PARD3B: variants seen among roughly 807,000 people sequenced by gnomAD.
The protein encoded by PARD3B is par-3 family cell polarity regulator beta.
A neutral mutation model predicts 130.2 loss-of-function variants in PARD3B; 103 were observed. That is an observed-to-expected ratio of 0.79 (90% CI 0.67 to 0.93). The LOEUF (loss-of-function observed/expected upper bound fraction) is 0.93. Ranked by LOEUF, PARD3B falls within the 40% of genes least tolerant of loss-of-function variation. The pLI is 0.00. For synonymous variants in PARD3B, 583 were observed against 553.2 expected (o/e 1.05, Z -0.76); for missense variants, 1,609 against 1,499.2 (o/e 1.07, Z -1.21).
chr2:205,086,479 C>T (rs1014039953), intron 4 of PARD3B, among the ~76,000 whole-genome samples: 1 of 152,176 alleles, frequency 6.6e-6, no homozygotes, highest in Admixed American at 6.5e-5. Flanking sequence ...TCCATTCACA[C>T]CTAGTTCTGC....
At chr2:204,910,240 G>C (rs2047183850) in intron 2 of PARD3B, among the ~76,000 whole-genome samples, 1 of 151,856 alleles carries the variant, frequency 6.6e-6, no homozygotes, top group Admixed American at 6.5e-5. Flanking sequence ...TTTCATAAAA[G>C]AGGTTTAGAA....
At chr2:205,097,918 G>A (rs192903525) in intron 4 of PARD3B, among the ~76,000 whole-genome samples, 1 of 151,982 alleles carries the variant, frequency 6.6e-6, no homozygotes, top group African/African-American at 2.4e-5. Flanking sequence ...TATCTTTGAA[G>A]TCAACTGAGA....
chr2:205,045,575 C>A (rs1236430105), intron 3 of PARD3B, among the ~76,000 whole-genome samples: 3 of 151,924 alleles, frequency 2.0e-5, no homozygotes, highest in Non-Finnish European at 4.4e-5. Flanking sequence ...AAAATTATAT[C>A]TTAAATATTT....
chr2:205,124,456 GA>G lies in PARD3B; in HGVS notation c.1297del (p.Ile433PhefsTer4), dbSNP rs761338130. The G allele has an allele frequency of 6.3e-7, 1 of 1,588,934 alleles. No individual in the cohort carries two copies. Among genetic ancestry groups the G allele is most frequent in the Non-Finnish European group, 8.6e-7 (1 of 1,167,902 alleles). Reference sequence around the variant, plus strand: ...GATGGCCGCCTACAATCAGGGGACAGAATTTTGGAGGTAAGAATTGGAATTA... The same window carrying G: ...GATGGCCGCCTACAATCAGGGGACAGATTTTGGAGGTAAGAATTGGAATTA... ...IKDGRLQSGD[R>X]ILEVNGRDVT... On this transcript the variant is annotated frameshift_variant, in exon 9 of 23. Transcript: ENST00000406610. LOFTEE classifies it high-confidence loss of function.
intron 1 of PARD3B, among the ~76,000 whole-genome samples, chr2:204,660,177 G>A (rs1329554736): frequency 1.3e-5 from 2 of 152,124 alleles, no homozygotes; most frequent in East Asian, 3.9e-4. Context: ...ATTGAGTATA[G>A]AACCTTCTGA....
chr2:204,764,947 G>T (rs868053347), intron 2 of PARD3B, among the ~76,000 whole-genome samples: 4 of 150,840 alleles, frequency 2.7e-5, no homozygotes, highest in African/African-American at 9.7e-5. Context: ...ATTTTTTTTT[G>T]TAATTCTGAT....
At chr2:204,762,349 T>G (rs1438499253) in intron 2 of PARD3B, among the ~76,000 whole-genome samples, 1 of 152,012 alleles carries the variant, frequency 6.6e-6, no homozygotes, top group African/African-American at 2.4e-5. Flanking sequence ...CCTGTCCTTG[T>G]GATCTGTCCA....
intron 3 of PARD3B, among the ~76,000 whole-genome samples, chr2:205,008,725 A>G (rs950439184): frequency 5.9e-5 from 9 of 152,328 alleles, no homozygotes; most frequent in Non-Finnish European, 1.2e-4. Flanking sequence ...ACTTGACAGG[A>G]TAGATGTTAG....
intron 2 of PARD3B, among the ~76,000 whole-genome samples, chr2:204,695,115 A>G (rs1423271016): frequency 2.6e-5 from 4 of 152,064 alleles, no homozygotes; most frequent in South Asian, 2.1e-4. Context: ...ATAAGAGTCA[A>G]TGAACACTTT....
At chr2:205,533,131 A>G (rs2051678310) in intron 21 of PARD3B, among the ~76,000 whole-genome samples, 1 of 152,156 alleles carries the variant, frequency 6.6e-6, no homozygotes, top group East Asian at 1.9e-4. Flanking sequence ...AAATATGGCC[A>G]TCCCTCTTTT....
chr2:204,804,771 T>TA (rs2042704522), intron 2 of PARD3B, among the ~76,000 whole-genome samples: 1 of 152,060 alleles, frequency 6.6e-6, no homozygotes, highest in Non-Finnish European at 1.5e-5. Context: ...AACAATGAAA[T>TA]AATATCAAGC....
At chr2:204,650,212 A>T (rs1268040535) in intron 1 of PARD3B, among the ~76,000 whole-genome samples, 1 of 152,192 alleles carries the variant, frequency 6.6e-6, no homozygotes, top group Non-Finnish European at 1.5e-5. Context: ...ACCACCTCAA[A>T]CCCATCCAAA....
chr2:204,964,100 T>G (rs946446746), intron 2 of PARD3B, among the ~76,000 whole-genome samples: 3 of 152,260 alleles, frequency 2.0e-5, no homozygotes, highest in Admixed American at 6.5e-5. Context: ...GCTTGAATCA[T>G]AAGTAGGTTT....
At chr2:205,510,577 A>T (rs2050552170) in intron 21 of PARD3B, among the ~76,000 whole-genome samples, 3 of 152,150 alleles carry the variant, frequency 2.0e-5, no homozygotes, top group South Asian at 2.1e-4. Context: ...TTCCTTCAAA[A>T]GTACATTCCT....
intron 15 of PARD3B, among the ~76,000 whole-genome samples, chr2:205,234,228 G>A (rs114767940): frequency 0.014 from 2,108 of 152,292 alleles, 49 homozygotes; most frequent in African/African-American, 0.048. Context: ...GCTGAGGCAG[G>A]AGGATCACTT....
intron 2 of PARD3B, among the ~76,000 whole-genome samples, chr2:204,739,237 GA>G (rs2039891487): frequency 6.6e-6 from 1 of 152,072 alleles, no homozygotes; most frequent in Non-Finnish European, 1.5e-5. Context: ...TCATTCATTG[GA>G]ATGTGTGTTT....
chr2:205,316,734 G>A (rs1425775744), intron 18 of PARD3B, among the ~76,000 whole-genome samples: 1 of 152,000 alleles, frequency 6.6e-6, no homozygotes, highest in Non-Finnish European at 1.5e-5. Flanking sequence ...CCTACTCCAG[G>A]CCTTTTTTTC....
intron 2 of PARD3B, among the ~76,000 whole-genome samples, chr2:204,873,143 G>A (rs1184347699): frequency 6.6e-6 from 1 of 152,182 alleles, no homozygotes; most frequent in African/African-American, 2.4e-5. Flanking sequence ...AAAGACCTGA[G>A]CAGTGAAGCT....
intron 2 of PARD3B, among the ~76,000 whole-genome samples, chr2:204,778,767 C>A (rs2041730978): frequency 6.6e-6 from 1 of 152,136 alleles, no homozygotes; most frequent in African/African-American, 2.4e-5. Flanking sequence ...GCCTGGACTT[C>A]TGCAATGTCC....
Sources: gnomAD v4.1 joint callset for allele counts (sites outside exome capture counted in the v4.1 genomes callset) on GRCh38, gnomAD v4.1.1 for gene constraint, MANE v1.5 for transcripts, NCBI Gene and HGNC (gene_info 2026-07-23, HGNC 2026-07-21) for gene names.